The following CCDC148 variants were observed in gnomAD, a reference collection of about 807,000 sequenced individuals.
CCDC148 encodes coiled-coil domain-containing protein 148.
A neutral mutation model predicts 85.7 loss-of-function variants in CCDC148; 89 were observed. The ratio of observed to expected loss-of-function variants is 1.04; its 90% confidence interval spans 0.87 to 1.24. The LOEUF is 1.24. Ranked by LOEUF, CCDC148 falls within the 50% of genes most tolerant of loss-of-function variation. CCDC148 has a pLI of 0.00. For missense variants in CCDC148, 692 were observed against 671.7 expected, an observed-to-expected ratio of 1.03 and a Z score of -0.33; for synonymous variants, 230 against 213.9, an observed-to-expected ratio of 1.08 and a Z score of -0.66.
chr2:158,331,383 A>C (rs573174845), intron 7 of CCDC148, among the ~76,000 whole-genome samples: 124 of 152,132 alleles, frequency 8.2e-4, no homozygotes, highest in African/African-American at 2.8e-3. Flanking sequence ...AGTTTGTTAT[A>C]ATTTCTGTTC....
chr2:158,222,018 T>C (rs1371007744), intron 10 of CCDC148, among the ~76,000 whole-genome samples: 1 of 152,320 alleles, frequency 6.6e-6, no homozygotes, highest in African/African-American at 2.4e-5. Flanking sequence ...GATTATGTCA[T>C]CTCCATCTGG....
At chr2:158,401,044 G>A (rs536882437) in intron 1 of CCDC148, among the ~76,000 whole-genome samples, 17 of 152,206 alleles carry the variant, frequency 1.1e-4, no homozygotes, top group Middle Eastern at 3.4e-3. Flanking sequence ...TAAAAAGTCA[G>A]GAAACCACAT....
At chr2:158,281,032 G>C (rs981238635) in intron 9 of CCDC148, among the ~76,000 whole-genome samples, 3 of 152,148 alleles carry the variant, frequency 2.0e-5, no homozygotes, top group Non-Finnish European at 1.5e-5. Flanking sequence ...TGATTACTGG[G>C]TACATAACGA....
At chr2:158,179,106 A>G (rs1222764602) in intron 11 of CCDC148, 110 bp from the exon 12 acceptor site, 5 of 465,348 alleles carry the variant, frequency 1.1e-5, no homozygotes, top group Admixed American at 3.5e-5. Context: ...GCACTGTCAC[A>G]TTTTTTTTTT....
chr2:158,260,631 A>C (rs1390951888), intron 9 of CCDC148, among the ~76,000 whole-genome samples: 1 of 152,132 alleles, frequency 6.6e-6, no homozygotes, highest in African/African-American at 2.4e-5. Flanking sequence ...GTCTCAGCCC[A>C]AAAGCTCCTT....
intron 7 of CCDC148, among the ~76,000 whole-genome samples, chr2:158,333,822 C>T (rs1465451303): frequency 6.6e-6 from 1 of 152,066 alleles, no homozygotes; most frequent in Non-Finnish European, 1.5e-5. Context: ...TCATATCACA[C>T]AATCTTGATT....
chr2:158,350,730 A>G (rs915663184), intron 2 of CCDC148, among the ~76,000 whole-genome samples: 1 of 152,096 alleles, frequency 6.6e-6, no homozygotes, highest in Non-Finnish European at 1.5e-5. Flanking sequence ...GTTTTTACCT[A>G]GTTAATTCTT....
chr2:158,392,744 C>T (rs1359079978), intron 1 of CCDC148, among the ~76,000 whole-genome samples: 1 of 152,102 alleles, frequency 6.6e-6, no homozygotes, highest in African/African-American at 2.4e-5. Flanking sequence ...TGTTACTAGA[C>T]AGCAATAGTG....
At chr2:158,208,626 G>A (rs892455383) in intron 11 of CCDC148, among the ~76,000 whole-genome samples, 36 of 152,280 alleles carry the variant, frequency 2.4e-4, no homozygotes, top group African/African-American at 8.2e-4. Flanking sequence ...GAGGAGGCAC[G>A]CCATGAGGTC....
chr2:158,227,909 T>C (rs1266396266), intron 10 of CCDC148, among the ~76,000 whole-genome samples: 26 of 152,138 alleles, frequency 1.7e-4, no homozygotes, highest in Admixed American at 1.7e-3. Context: ...AAGGACTTCA[T>C]GTCCAAAACA....
In CCDC148 at chr2:158,309,512, C is replaced by T; in HGVS notation, c.1031G>A (p.Cys344Tyr). The part of the protein sequence containing the change: ...QKAVLTLTEA[C>Y]ATHEMESMLA... ...CATGCTCTCCATTTCATGTGTTGCA[C>T]AAGCCTCAGTGAGTGTCAGCACAGC... Residue 344 changes from cysteine (C) to tyrosine (Y), a missense_variant, in exon 9 of 14, where the codon TGT becomes TAT. Physicochemically the swap from Cys to Tyr is radical, Grantham distance 194. Coordinates refer to ENST00000283233, the MANE Select transcript of CCDC148 (RefSeq NM_138803.4). 2 of 1,614,124 alleles carry T rather than the reference C, an allele frequency of 1.2e-6. No homozygotes were observed. Among genetic ancestry groups the T allele is most frequent in the South Asian group, 1.1e-5 (1 of 91,086 alleles).
At chr2:158,388,014 G>A (rs1167638608) in intron 1 of CCDC148, among the ~76,000 whole-genome samples, 2 of 152,156 alleles carry the variant, frequency 1.3e-5, no homozygotes, top group African/African-American at 4.8e-5. Context: ...AAGGATTTAG[G>A]ACTGAAAGTT....
chr2:158,436,035 T>G (rs958620292), intron 1 of CCDC148, among the ~76,000 whole-genome samples: 1 of 152,074 alleles, frequency 6.6e-6, no homozygotes, highest in African/African-American at 2.4e-5. Context: ...ATGGGAGACT[T>G]TAACACCCCA....
chr2:158,336,135 G>A (rs574747803), intron 7 of CCDC148, among the ~76,000 whole-genome samples: 2 of 152,216 alleles, frequency 1.3e-5, no homozygotes, highest in East Asian at 3.9e-4. Context: ...GAACAAAGAG[G>A]GGAGAAGGCC....
At chr2:158,282,122 G>A (rs1290607641) in intron 9 of CCDC148, among the ~76,000 whole-genome samples, 6 of 151,348 alleles carry the variant, frequency 4.0e-5, no homozygotes, top group Admixed American at 2.0e-4. Flanking sequence ...TTGATGGGAC[G>A]TATTTCAAAA....
At chr2:158,301,314 A>G (rs1010037839) in intron 9 of CCDC148, among the ~76,000 whole-genome samples, 5 of 152,256 alleles carry the variant, frequency 3.3e-5, no homozygotes, top group Non-Finnish European at 7.3e-5. Flanking sequence ...AAAGTTTTCA[A>G]AAGTTGGTAA....
At chr2:158,177,492 T>C (rs1261057552) in intron 12 of CCDC148, among the ~76,000 whole-genome samples, 1 of 152,118 alleles carries the variant, frequency 6.6e-6, no homozygotes, top group Non-Finnish European at 1.5e-5. Flanking sequence ...CAGTTCTAAA[T>C]ACTGATTATA....
intron 1 of CCDC148, among the ~76,000 whole-genome samples, chr2:158,439,270 T>A (rs1301750860): frequency 2.6e-5 from 4 of 152,138 alleles, no homozygotes; most frequent in Non-Finnish European, 5.9e-5. Flanking sequence ...ATGTGGCACA[T>A]ATACACCATG....
Position 158,197,768 on chromosome 2 carries a change from T to A in CCDC148, c.1371-18772A>T, listed in dbSNP as rs1238677634. Among the ~76,000 whole-genome samples the A allele has an allele frequency of 2.0e-5, 3 of 152,270 alleles. 1 individual carries two copies. The highest frequency in any genetic ancestry group is 4.1e-4 in the South Asian group (2 of 4,830). ...TTTTTATTGCCACTCTAATGATAGA[T>A]ACAGTTTCTATACAAGTTTCTTCCA... On this transcript the variant is annotated intron_variant, in intron 11 of 13. Coordinates refer to ENST00000283233, the MANE Select transcript of CCDC148 (RefSeq NM_138803.4).
Sources: gnomAD v4.1 joint callset for allele counts (sites outside exome capture counted in the v4.1 genomes callset) on GRCh38, gnomAD v4.1.1 for gene constraint, MANE v1.5 for transcripts, NCBI Gene and HGNC (gene_info 2026-07-23, HGNC 2026-07-21) for gene names.